Variants in CD2AP observed in about 807,000 individuals in gnomAD.
CD2AP encodes the protein CD2 associated protein.
CD2AP carries 46 observed loss-of-function variants against 85.1 expected under a neutral mutation model. The ratio of observed to expected loss-of-function variants is 0.54; its 90% CI spans 0.43 to 0.69. The LOEUF (loss-of-function observed/expected upper bound fraction) is 0.69. Ranked by LOEUF, CD2AP falls within the 30% of genes least tolerant of loss-of-function variation. CD2AP has a pLI of 0.00. For missense variants in CD2AP, 769 were observed against 729.5 expected (o/e 1.05, Z -0.62); for synonymous variants, 255 against 252.9 (o/e 1.01, Z -0.08).
At chr6:47,562,208 G>T (rs138469667) in intron 5 of CD2AP, among the ~76,000 whole-genome samples, 26 of 152,290 alleles carry the variant, frequency 1.7e-4, no homozygotes, top group African/African-American at 4.6e-4. Context: ...TGAATGCTTA[G>T]AAAGCAATAT....
At chr6:47,575,574 CTAAA>C (rs1229596125) in intron 6 of CD2AP, among the ~76,000 whole-genome samples, 1 of 152,068 alleles carries the variant, frequency 6.6e-6, no homozygotes, top group Non-Finnish European at 1.5e-5. Context: ...TTGGGGAAAA[CTAAA>C]GTAAGTATTT....
Position 47,543,092 on chromosome 6 carries a change from A to C in CD2AP, c.320-1514A>C, listed in dbSNP as rs1297271550. ...CTTGAACTCGGGAGGTGGAGGTTGC[A>C]GCGAGCTGAGATTGCGCCACCGCAC... is the stretch of plus-strand genomic sequence containing the variant. On this transcript the variant is annotated intron_variant, in intron 3 of 17. Coordinates refer to ENST00000359314, the MANE Select transcript of CD2AP (RefSeq NM_012120.3). 2.8e-5 allele frequency among the ~76,000 whole-genome samples: 4 copies of C among 141,498 alleles called. No individual in the cohort carries two copies. In the South Asian group the frequency reaches 9.5e-4, roughly 34 times the overall value. The allele number at this position is 141,498 out of a possible 152,430, so 92.8% of individuals were successfully genotyped here.
At chr6:47,596,734 T>C (rs1292506172) in intron 12 of CD2AP, among the ~76,000 whole-genome samples, 1 of 152,124 alleles carries the variant, frequency 6.6e-6, no homozygotes, top group Non-Finnish European at 1.5e-5. Flanking sequence ...AATGCATATA[T>C]TTCTTTGACA....
Position 47,559,514 on chromosome 6 carries a change from A to G in CD2AP, c.541+4748A>G, listed in dbSNP as rs568543190. Among the ~76,000 whole-genome samples, 4 of 152,180 alleles carry G rather than the reference A, an allele frequency of 2.6e-5. No homozygotes were observed. In the East Asian group the frequency reaches 7.7e-4, roughly 29 times the overall value. On this transcript the variant is annotated intron_variant, in intron 5 of 17. Transcript: ENST00000359314. ...TGGCTTCAAGCAGTTGAAGCCTCCC[A>G]AAGTGCTGGGATTACAGATGTGAGC...
chr6:47,518,938 A>T (rs938452635), intron 2 of CD2AP, among the ~76,000 whole-genome samples: 2 of 151,482 alleles, frequency 1.3e-5, no homozygotes, highest in African/African-American at 4.8e-5. Context: ...GTACTGTGGC[A>T]TATCCCTCCC....
intron 1 of CD2AP, among the ~76,000 whole-genome samples, chr6:47,500,170 T>C (rs1554168232): frequency 6.6e-6 from 1 of 152,238 alleles, no homozygotes; most frequent in Non-Finnish European, 1.5e-5. Flanking sequence ...CTATTTTTTA[T>C]TTTTTTGTAG....
intron 12 of CD2AP, among the ~76,000 whole-genome samples, chr6:47,596,855 G>A (rs1269498665): frequency 6.6e-6 from 1 of 152,022 alleles, no homozygotes; most frequent in African/African-American, 2.4e-5. Context: ...CATAATGGCT[G>A]TGGGAATTTA....
intron 3 of CD2AP, among the ~76,000 whole-genome samples, chr6:47,537,630 C>T (rs894648030): frequency 6.6e-6 from 1 of 152,016 alleles, no homozygotes; most frequent in African/African-American, 2.4e-5. Flanking sequence ...TAATACATTA[C>T]CTCTGATCAC....
intron 2 of CD2AP, among the ~76,000 whole-genome samples, chr6:47,510,939 G>C (rs1766295783): frequency 6.6e-6 from 1 of 151,976 alleles, no homozygotes; most frequent in African/African-American, 2.4e-5. Flanking sequence ...TGGGCATGGT[G>C]GCGTGCGCCT....
At chr6:47,478,969 A>G (rs1254004980) in intron 1 of CD2AP, among the ~76,000 whole-genome samples, 3 of 152,162 alleles carry the variant, frequency 2.0e-5, no homozygotes, top group Admixed American at 6.5e-5. Flanking sequence ...TGTGCTTTAT[A>G]GTTTTGTTTG....
chr6:47,490,467 A>C (rs1765706555), intron 1 of CD2AP, among the ~76,000 whole-genome samples: 2 of 152,138 alleles, frequency 1.3e-5, no homozygotes, highest in African/African-American at 4.8e-5. Flanking sequence ...TCTTGAAGTT[A>C]ATAGTGGGAA....
At chr6:47,480,992 G>C (rs1279255217) in intron 1 of CD2AP, among the ~76,000 whole-genome samples, 2 of 152,192 alleles carry the variant, frequency 1.3e-5, no homozygotes, top group East Asian at 3.8e-4. Flanking sequence ...TATGTTTTTA[G>C]TGTCTACATT....
intron 1 of CD2AP, among the ~76,000 whole-genome samples, chr6:47,497,321 C>CTTTCCTTTCCTTTCA (rs1554168014): frequency 4.2e-5 from 6 of 141,350 alleles, no homozygotes; most frequent in South Asian, 4.6e-4. Context: ...CTTTCCTTTC[C>CTTTCCTTTCCTTTCA]TTTCCTTTCC....
chr6:47,580,922 C>T, intron 10 of CD2AP, 22 bp downstream of exon 10: 1 of 1,559,992 alleles, frequency 6.4e-7, no homozygotes, highest in Non-Finnish European at 8.8e-7. Context: ...GCATATTATT[C>T]AGTTTGCTAT....
In CD2AP at chr6:47,576,590, G is replaced by A. The variant is rs1392879851; in HGVS notation, c.796G>A (p.Gly266Ser). Residue 266 changes from glycine to serine, a missense_variant, in exon 7 of 18, where the codon GGT becomes AGT. Physicochemically the swap from Gly to Ser is moderately conservative, Grantham distance 56. Coordinates refer to ENST00000359314, the MANE Select transcript of CD2AP (RefSeq NM_012120.3). ...SVEITKTDTE[G>S]KIKAKEYCRT... Reference sequence around the variant, plus strand: ...GGAGATAACAAAAACAGATACCGAAGGTAAAATTAAAGGTATGTTTTTGAA... The same window carrying A: ...GGAGATAACAAAAACAGATACCGAAAGTAAAATTAAAGGTATGTTTTTGAA... 5 of 1,608,982 alleles carry A rather than the reference G, an allele frequency of 3.1e-6. No homozygotes were observed. Among genetic ancestry groups the A allele is most frequent in the Non-Finnish European group, 4.3e-6 (5 of 1,175,946 alleles).
intron 1 of CD2AP, among the ~76,000 whole-genome samples, chr6:47,497,667 A>G (rs372350244): frequency 1.3e-5 from 2 of 152,022 alleles, no homozygotes; most frequent in South Asian, 4.2e-4. Context: ...ACCCACCTCA[A>G]CCTCCCAAAG....
rs147090901 is a variant in CD2AP, at chr6:47,605,500, CT to C, written c.1418-655del. ...GTTGGTAATCCATGTAGCTTTTTCT[CT>C]TTTTTTTTTGGTATCTGATTTGCCT... On this transcript the variant is annotated intron_variant, in intron 13 of 17. Transcript: ENST00000359314. Among the ~76,000 whole-genome samples the C allele has an allele frequency of 5.1e-4, 75 of 147,436 alleles. No homozygotes were observed. In the East Asian group the frequency reaches 6.7e-3, roughly 13 times the overall value.
At chr6:47,579,335 A>AG (rs1554181521) in intron 8 of CD2AP, 50 bp from the exon 9 acceptor site, 10 of 905,368 alleles carry the variant, frequency 1.1e-5, no homozygotes, top group Non-Finnish European at 1.6e-5. Context: ...ACTTTATCTT[A>AG]AAAAAAAAAA....
At chr6:47,572,050 T>G (rs1768171687) in intron 5 of CD2AP, among the ~76,000 whole-genome samples, 2 of 152,192 alleles carry the variant, frequency 1.3e-5, no homozygotes, top group Admixed American at 1.3e-4. Context: ...ATTCCTGATT[T>G]CTGCTAACTA....
Sources: gnomAD v4.1 joint callset for allele counts (sites outside exome capture counted in the v4.1 genomes callset) on GRCh38, gnomAD v4.1.1 for gene constraint, MANE v1.5 for transcripts, NCBI Gene and HGNC (gene_info 2026-07-23, HGNC 2026-07-21) for gene names.